Variants in NELL1 observed in about 807,000 individuals in gnomAD.
The protein encoded by NELL1 is neural EGFL like 1, also known as protein kinase C-binding protein NELL1.
A neutral mutation model predicts 107.4 loss-of-function variants in NELL1; 76 were observed. That is an observed-to-expected ratio of 0.71 (90% CI 0.59 to 0.86). The LOEUF is 0.86. Among genes scored for constraint, NELL1 ranks in the 40% least tolerant of loss-of-function variants. The probability of loss-of-function intolerance (pLI) is 0.00; values close to 1 mark genes in which losing one functional copy is unlikely to be tolerated. For synonymous variants in NELL1, 353 were observed against 341.2 expected (o/e 1.03, Z -0.38); for missense variants, 1,024 against 1,005.5 (o/e 1.02, Z -0.25).
chr11:20,897,294 C>G (rs1419743276), intron 5 of NELL1, among the ~76,000 whole-genome samples: 3 of 151,962 alleles, frequency 2.0e-5, no homozygotes, highest in East Asian at 1.9e-4. Flanking sequence ...ACAAACCTGA[C>G]AAAAATAAGA....
intron 3 of NELL1, among the ~76,000 whole-genome samples, chr11:20,786,098 C>G (rs1319322707): frequency 6.7e-6 from 1 of 149,852 alleles, no homozygotes; most frequent in African/African-American, 2.5e-5. Context: ...TGCCTGTAAT[C>G]CCGGCACTTT....
intron 13 of NELL1, among the ~76,000 whole-genome samples, chr11:21,211,609 T>C (rs59239776): frequency 0.06 from 9,153 of 152,164 alleles, 400 homozygotes; most frequent in East Asian, 0.17. Context: ...AGGAGATGCA[T>C]TGGGAAGCTA....
Position 21,186,470 on chromosome 11 carries a change from A to G in NELL1, c.1427-42862A>G, listed in dbSNP as rs149139209. ...TATATTGGTAAACTTATAGGTCTTG[A>G]CTGATTTTAGTTTGTTCGTCTAAGA... On this transcript the variant is annotated intron_variant, in intron 13 of 19. Transcript: ENST00000357134. 7.2e-4 allele frequency among the ~76,000 whole-genome samples: 109 copies of G among 151,840 alleles called. 1 individual carries two copies. Among genetic ancestry groups the G allele is most frequent in the African/African-American group, 2.5e-3 (105 of 41,206 alleles).
At chr11:20,877,214 A>G (rs1849321962) in intron 4 of NELL1, among the ~76,000 whole-genome samples, 1 of 152,212 alleles carries the variant, frequency 6.6e-6, no homozygotes, top group Non-Finnish European at 1.5e-5. Flanking sequence ...ATAACTAAGG[A>G]AGGTCATTCC....
At chr11:21,322,867 C>T (rs756949837) in intron 14 of NELL1, among the ~76,000 whole-genome samples, 28 of 152,088 alleles carry the variant, frequency 1.8e-4, no homozygotes, top group Admixed American at 3.9e-4. Flanking sequence ...TTTGACTAGG[C>T]AAGCAATTTC....
intron 5 of NELL1, among the ~76,000 whole-genome samples, chr11:20,901,245 G>C (rs1237940240): frequency 1.3e-5 from 2 of 152,068 alleles, no homozygotes; most frequent in Non-Finnish European, 2.9e-5. Flanking sequence ...AAGAGTACTA[G>C]ATGTAAAGCC....
At chr11:21,254,149 A>G (rs1858710747) in intron 14 of NELL1, among the ~76,000 whole-genome samples, 1 of 150,306 alleles carries the variant, frequency 6.7e-6, no homozygotes, top group African/African-American at 2.4e-5. Context: ...TTCAATTATC[A>G]AAATTGCCTG....
chr11:21,435,470 T>A (rs2133838771), intron 15 of NELL1, among the ~76,000 whole-genome samples: 1 of 150,374 alleles, frequency 6.7e-6, no homozygotes, highest in East Asian at 1.9e-4. Flanking sequence ...TGAAGAGATG[T>A]TAGCTTTTAT....
chr11:20,758,097 A>G (rs1338278546), intron 2 of NELL1, among the ~76,000 whole-genome samples: 1 of 152,078 alleles, frequency 6.6e-6, no homozygotes, highest in African/African-American at 2.4e-5. Context: ...TGTCTAACCT[A>G]ATTACCTTCC....
intron 13 of NELL1, among the ~76,000 whole-genome samples, chr11:21,167,333 T>G (rs1856506621): frequency 6.6e-6 from 1 of 151,776 alleles, no homozygotes; most frequent in East Asian, 1.9e-4. Flanking sequence ...ATTGTGTTCT[T>G]GGCCTATATA....
intron 15 of NELL1, among the ~76,000 whole-genome samples, chr11:21,464,253 A>G (rs1223676612): frequency 6.6e-6 from 1 of 152,104 alleles, no homozygotes; most frequent in Non-Finnish European, 1.5e-5. Flanking sequence ...AATTGTGGCT[A>G]TGTTTTTAAA....
intron 14 of NELL1, among the ~76,000 whole-genome samples, chr11:21,239,869 C>T (rs188349977): frequency 1.3e-5 from 2 of 152,106 alleles, no homozygotes; most frequent in Non-Finnish European, 2.9e-5. Context: ...GAAGGTGGAA[C>T]AGGTGATGCA....
At chr11:21,204,016 G>A (rs866207400) in intron 13 of NELL1, among the ~76,000 whole-genome samples, 1 of 152,104 alleles carries the variant, frequency 6.6e-6, no homozygotes, top group Non-Finnish European at 1.5e-5. Context: ...TGGGTAACCC[G>A]ACCTTACTCT....
chr11:21,403,993 T>C (rs1164173494), intron 15 of NELL1, among the ~76,000 whole-genome samples: 2 of 139,272 alleles, frequency 1.4e-5, no homozygotes, highest in Non-Finnish European at 3.1e-5. Context: ...AAAATATCTC[T>C]GTCATTCCTG....
At chr11:21,132,361 A>G (rs1037632258) in intron 13 of NELL1, among the ~76,000 whole-genome samples, 1 of 152,138 alleles carries the variant, frequency 6.6e-6, no homozygotes, top group African/African-American at 2.4e-5. Flanking sequence ...GCTCAGGCCC[A>G]TTGGGCTCGT....
chr11:20,710,049 CTT>C (rs748273746), intron 2 of NELL1, among the ~76,000 whole-genome samples: 25 of 152,144 alleles, frequency 1.6e-4, no homozygotes, highest in Non-Finnish European at 3.2e-4. Flanking sequence ...ATTTCTTTCT[CTT>C]GTCTGATTGC....
chr11:21,209,330 A>T (rs1173320294), intron 13 of NELL1, among the ~76,000 whole-genome samples: 1 of 45,788 alleles, frequency 2.2e-5, no homozygotes, highest in African/African-American at 3.9e-5. Flanking sequence ...ATATGTATAT[A>T]TTATATATAT....
chr11:21,273,670 A>T (rs1357273405), intron 14 of NELL1, among the ~76,000 whole-genome samples: 1 of 152,242 alleles, frequency 6.6e-6, no homozygotes, highest in Non-Finnish European at 1.5e-5. Flanking sequence ...CGGGTTACCC[A>T]CAAAGGGAAA....
chr11:21,551,673 T>C (rs1486821234), intron 16 of NELL1, among the ~76,000 whole-genome samples: 1 of 151,414 alleles, frequency 6.6e-6, no homozygotes, highest in South Asian at 2.1e-4. Context: ...ATAGGAACAC[T>C]TTTACACTGT....
Sources: gnomAD v4.1 joint callset for allele counts (sites outside exome capture counted in the v4.1 genomes callset) on GRCh38, gnomAD v4.1.1 for gene constraint, MANE v1.5 for transcripts, NCBI Gene and HGNC (gene_info 2026-07-23, HGNC 2026-07-21) for gene names.